HK3: variants seen among roughly 807,000 people sequenced by gnomAD.
The protein encoded by HK3 is hexokinase 3.
Under a neutral mutation model 91.0 loss-of-function variants are expected in HK3, and 93 were observed. The observed-to-expected ratio is 1.02, with a 90% confidence interval of 0.86 to 1.21. The LOEUF (loss-of-function observed/expected upper bound fraction) is 1.21. Ranked by LOEUF, HK3 falls within the 50% of genes most tolerant of loss-of-function variation. The probability of loss-of-function intolerance (pLI) is 0.00; values close to 1 mark genes in which losing one functional copy is unlikely to be tolerated. For missense variants in HK3, 1,235 were observed against 1,247.4 expected (o/e 0.99, Z 0.15); for synonymous variants, 519 against 516.9 (o/e 1.00, Z -0.06).
At chr5:176,888,666 C>G (rs200170505) in intron 9 of HK3, 43 bp downstream of exon 9, 192 of 1,613,786 alleles carry the variant, frequency 1.2e-4, no homozygotes, top group Non-Finnish European at 9.3e-6. Context: ...CCCCTTCCTC[C>G]AAGCCAAGAA....
chr5:176,887,795 C>A lies in HK3; in HGVS notation c.1305-49G>T, dbSNP rs754471069. The A allele has an allele frequency of 1.5e-5, 24 of 1,560,726 alleles. No individual in the cohort carries two copies. The highest frequency in any genetic ancestry group is 2.0e-5 in the Non-Finnish European group (23 of 1,148,724). ...CGGCTTGGCCCTGGACCCCCAGACACACACAGGTGTGCACGGCTTGGCCCT... is the reference window on the plus strand; with the variant it reads ...CGGCTTGGCCCTGGACCCCCAGACAAACACAGGTGTGCACGGCTTGGCCCT... On this transcript the variant is annotated intron_variant, in intron 10 of 18. Transcript: ENST00000292432. This position sits in a 1 kb window ranked among gnomAD's most constrained non-coding sequence, Gnocchi z 4.9.
chr5:176,889,674 AC>A lies in HK3; in HGVS notation c.700del (p.Val234SerfsTer8). Reference protein sequence around the residue: ...VGTMMGCEPGVRPCEVGLVVD... With the variant: ...VGTMMGCEPGXRPCEVGLVVD... Reference sequence around the variant, plus strand: ...AACTAGCCCAACCTCACACGGCCTGACCCCCGGCTCACAGCCCATCATGGTG... The same window carrying A: ...AACTAGCCCAACCTCACACGGCCTGACCCCGGCTCACAGCCCATCATGGTG... On this transcript the variant is annotated frameshift_variant, in exon 7 of 19. Transcript: ENST00000292432. LOFTEE classifies it high-confidence loss of function. 6.2e-7 allele frequency: 1 copy of A among 1,613,846 alleles called. No homozygotes were observed. The highest frequency in any genetic ancestry group is 8.5e-7 in the Non-Finnish European group (1 of 1,179,952).
rs763132805 is a variant in HK3, at chr5:176,887,607, G to C, written c.1444C>G (p.Leu482Val). The C allele has an allele frequency of 2.5e-6, 4 of 1,613,794 alleles. No homozygotes were observed. ...VAARLAAHRR[L>V]LEETLAPFRL... ...AATGGGGCCAGGGTCTCCTCCAGCA[G>C]GCGCCGGTGGGCAGCCAGACGGGCA... The change falls in exon 11 of 19, where the codon CTG becomes GTG. Residue 482 changes from leucine to valine, a missense_variant. This residue lies in a region of HK3 where 717 missense variants were observed against 751.6 expected (regional missense o/e 0.95). Transcript: ENST00000292432. This position sits in a 1 kb window ranked among gnomAD's most constrained non-coding sequence, Gnocchi z 4.9.
rs202214178 is a variant in HK3 at position 176,889,449 on chromosome 5, C to T, written c.846G>A (p.Ala282=). The T allele has an allele frequency of 3.0e-4, 483 of 1,614,184 alleles. No individual in the cohort carries two copies. The highest frequency in any genetic ancestry group is 3.8e-4 in the Non-Finnish European group (454 of 1,180,030). Residue 282 remains alanine, a synonymous_variant, in exon 8 of 19, where the codon GCG becomes GCA. Transcript: ENST00000292432. ...VEWGSFSDDG[A]LGPVLTTFDH... ...CGAAGGTGGTCAGCACTGGTCCCAG[C>T]GCCCCATCATCGCTGAAGGAGCCCC...
At position 176,881,765 on chromosome 5, in the gene HK3, A is replaced by G. The variant is rs1561675676; in HGVS notation, c.2320T>C (p.Phe774Leu). 6.2e-7 allele frequency: 1 copy of G among 1,614,156 alleles called. No individual in the cohort carries two copies. The highest frequency in any genetic ancestry group is 2.2e-5 in the East Asian group (1 of 44,884). Residue 774 changes from phenylalanine to leucine, a missense_variant, in exon 17 of 19, where the codon TTC becomes CTC. Transcript: ENST00000292432. ...LLHLTSLGVL[F>L]RGQQIQRLQT... ...AGGCGCTGGATCTGCTGGCCCCGGA[A>G]GAGAACGCCAAGGCTGGTTAAATGT...
chr5:176,892,620 A>C (rs916243822), intron 2 of HK3, among the ~76,000 whole-genome samples: 3 of 152,144 alleles, frequency 2.0e-5, no homozygotes, highest in Non-Finnish European at 4.4e-5. Flanking sequence ...ACAGCCTGGC[A>C]ACTCCATCCT....
At chr5:176,898,710 C>A (rs776998372) in intron 1 of HK3, among the ~76,000 whole-genome samples, 8 of 152,212 alleles carry the variant, frequency 5.3e-5, no homozygotes, top group Non-Finnish European at 1.2e-4. Flanking sequence ...ACTGCAGTAT[C>A]CCCAGAGCCC....
At position 176,887,754 on chromosome 5, in the gene HK3, T is replaced by TA. The variant is rs1468239070; in HGVS notation, c.1305-9dup. On this transcript the variant is annotated splice_polypyrimidine_tract_variant and intron_variant, in intron 10 of 18. Transcript: ENST00000292432. This position sits in a 1 kb window ranked among gnomAD's most constrained non-coding sequence, Gnocchi z 4.9. ...TGCAGGACGCTGCAGAACCTACAGATACATACAGGTGCACCCGGCTTGGCC... is the reference window on the plus strand; with the variant it reads ...TGCAGGACGCTGCAGAACCTACAGATAACATACAGGTGCACCCGGCTTGGCC... The TA allele has an allele frequency of 8.1e-6, 13 of 1,596,678 alleles. No homozygotes were observed. The highest frequency in any genetic ancestry group is 1.1e-5 in the Non-Finnish European group (13 of 1,168,236).
At chr5:176,888,205 C>A in intron 10 of HK3, 127 bp downstream of exon 10, 1 of 767,500 alleles carries the variant, frequency 1.3e-6, no homozygotes, top group South Asian at 1.7e-5. Flanking sequence ...CTCAGTCTGG[C>A]CCTCCCTCTG....
Position 176,881,337 on chromosome 5 carries a change from C to T in HK3, c.2592G>A (p.Val864=). 1 of 1,614,072 alleles carries T rather than the reference C, an allele frequency of 6.2e-7. No individual in the cohort carries two copies. The highest frequency in any genetic ancestry group is 1.3e-5 in the African/African-American group (1 of 75,056). The change falls in exon 18 of 19, where the codon GTG becomes GTA. Residue 864 remains valine, a synonymous_variant. Transcript: ENST00000292432. The part of the protein sequence containing the change: ...NRGLEELAVS[V]GVDGTLYKLH... ...GCTTGTAGAGCGTTCCATCCACCCC[C>T]ACAGACACTGCCAGCTCTTCCAGGC...
Position 176,891,527 on chromosome 5 carries a change from G to A in HK3, c.120C>T (p.Phe40=), listed in dbSNP as rs775036280. Residue 40 remains phenylalanine, a synonymous_variant, in exon 3 of 19, where the codon TTC becomes TTT. Coordinates refer to ENST00000292432, the MANE Select transcript of HK3 (RefSeq NM_002115.3). The part of the protein sequence containing the change: ...SELVQECLQQ[F]KVTRAQLQQI... ...GCTGTAGCTGTGCCCTTGTCACCTT[G>A]AACTGCTGCAGGCACTCCTGCACCT... 6.2e-7 allele frequency: 1 copy of A among 1,613,546 alleles called. No homozygotes were observed. Among genetic ancestry groups the A allele is most frequent in the South Asian group, 1.1e-5 (1 of 91,010 alleles).
Position 176,891,476 on chromosome 5 carries a change from G to A in HK3, c.171C>T (p.Ser57=). ...LQQIQASLLG[S]MEQALRGQAS... The stretch of plus-strand genomic sequence containing the variant: ...CCTGTCCCCTCAGCGCCTGCTCCAT[G>A]GAACCCAAGAGGCTGGCTTGGATCT... The change falls in exon 3 of 19, where the codon TCC becomes TCT. Residue 57 remains serine, a synonymous_variant. Coordinates refer to ENST00000292432, the MANE Select transcript of HK3 (RefSeq NM_002115.3). The A allele has an allele frequency of 6.2e-7, 1 of 1,614,190 alleles. No individual in the cohort carries two copies. Among genetic ancestry groups the A allele is most frequent in the Non-Finnish European group, 8.5e-7 (1 of 1,180,034 alleles).
At position 176,881,021 on chromosome 5, in the gene HK3, G is replaced by A. The variant is rs535338163; in HGVS notation, c.*52C>T. ...CCTGGCTGGGAAACAGGCAGACCCC[G>A]ACCCGGCTCCAGCAAGGCTGCGGCG... is the stretch of plus-strand genomic sequence containing the variant. On this transcript the variant is annotated 3_prime_UTR_variant, in exon 19 of 19. Coordinates refer to ENST00000292432, the MANE Select transcript of HK3 (RefSeq NM_002115.3). 3.7e-5 allele frequency: 57 copies of A among 1,534,824 alleles called. No homozygotes were observed. The highest frequency in any genetic ancestry group is 9.7e-5 in the African/African-American group (7 of 72,280).
At position 176,896,055 on chromosome 5, in the gene HK3, T is replaced by A; in HGVS notation, c.96+9A>T. 1 of 1,612,116 alleles carries A rather than the reference T, an allele frequency of 6.2e-7. No individual in the cohort carries two copies. Among genetic ancestry groups the A allele is most frequent in the Non-Finnish European group, 8.5e-7 (1 of 1,178,236 alleles). On this transcript the variant is annotated intron_variant, in intron 2 of 18. Coordinates refer to ENST00000292432, the MANE Select transcript of HK3 (RefSeq NM_002115.3). ...CAAGCATGAAACAGGAACCCAGTGCTGAACTTACCAGCTCTGAGCTGTCTG... is the reference window on the plus strand; with the variant it reads ...CAAGCATGAAACAGGAACCCAGTGCAGAACTTACCAGCTCTGAGCTGTCTG...
chr5:176,885,077 G>A (rs1758547228), intron 13 of HK3, among the ~76,000 whole-genome samples: 1 of 152,182 alleles, frequency 6.6e-6, no homozygotes, highest in African/African-American at 2.4e-5. Context: ...CTAGAGTGGG[G>A]AAGGGGAGGC....
At chr5:176,888,195 C>T (rs1758653378) in intron 10 of HK3, 137 bp downstream of exon 10, 1 of 719,372 alleles carries the variant, frequency 1.4e-6, no homozygotes, top group Non-Finnish European at 2.4e-6. Flanking sequence ...CCTCCCATAG[C>T]TCAGTCTGGC....
In HK3 at chr5:176,896,100, C is replaced by T. The variant is rs768483557; in HGVS notation, c.60G>A (p.Glu20=). 3.1e-6 allele frequency: 5 copies of T among 1,613,292 alleles called. No homozygotes were observed. In the South Asian group the frequency reaches 4.4e-5, roughly 14 times the overall value. Residue 20 remains glutamate (E), a synonymous_variant, in exon 2 of 19, where the codon GAG becomes GAA. Coordinates refer to ENST00000292432, the MANE Select transcript of HK3 (RefSeq NM_002115.3). ...RQGEETLSCS[E]EGLPGPSDSS... ...TGTCTGAGGGCCCGGGCAAGCCCTC[C>T]TCAGAGCAACTCAGGGTTTCTTCCC...
At position 176,888,409 on chromosome 5, in the gene HK3, G is replaced by A; in HGVS notation, c.1227C>T (p.Cys409=). ...TTTGTTGCTCCCGGCTGTGCTGGAG[G>A]CAGGAGAGAACAGCGGCCAGGGCGG... ...CAAALAAVLS[C]LQHSREQQTL... The change falls in exon 10 of 19, where the codon TGC becomes TGT. Residue 409 remains cysteine, a synonymous_variant. Coordinates refer to ENST00000292432, the MANE Select transcript of HK3 (RefSeq NM_002115.3). 1 of 1,562,986 alleles carries A rather than the reference G, an allele frequency of 6.4e-7. No individual in the cohort carries two copies. Among genetic ancestry groups the A allele is most frequent in the Non-Finnish European group, 8.7e-7 (1 of 1,152,934 alleles).
At chr5:176,897,284 C>T (rs894354067) in intron 1 of HK3, among the ~76,000 whole-genome samples, 8 of 151,924 alleles carry the variant, frequency 5.3e-5, no homozygotes, top group South Asian at 2.1e-4. Flanking sequence ...TCAGATACTT[C>T]GCTCATCCGA....
Sources: gnomAD v4.1 joint callset for allele counts (sites outside exome capture counted in the v4.1 genomes callset) on GRCh38, gnomAD v4.1.1 for gene constraint, gnomAD v4.1.1 regional missense constraint, Gnocchi (gnomAD v3.1) non-coding constraint, MANE v1.5 for transcripts, NCBI Gene and HGNC (gene_info 2026-07-23, HGNC 2026-07-21) for gene names.